Variants in LRRC8D observed in about 807,000 individuals in gnomAD.
LRRC8D encodes the protein volume-regulated anion channel subunit LRRC8D.
LRRC8D carries 20 observed loss-of-function variants against 55.8 expected under a neutral mutation model. That is an observed-to-expected ratio of 0.36 (90% CI 0.25 to 0.52). The LOEUF is 0.52. Ranked by LOEUF, LRRC8D falls within the 20% of genes least tolerant of loss-of-function variation. The pLI is 0.93. For synonymous variants in LRRC8D, 352 were observed against 377.0 expected (o/e 0.93, Z 0.77); for missense variants, 651 against 1,030.8 (o/e 0.63, Z 5.05).
chr1:89,928,139 G>A (rs909299877), intron 2 of LRRC8D, among the ~76,000 whole-genome samples: 2 of 152,116 alleles, frequency 1.3e-5, no homozygotes, highest in South Asian at 2.1e-4. Context: ...GCATGATCTC[G>A]CCGCACTGCA....
intron 1 of LRRC8D, among the ~76,000 whole-genome samples, chr1:89,842,170 G>A (rs527752202): frequency 3.5e-5 from 5 of 143,496 alleles, no homozygotes; most frequent in South Asian, 4.4e-4. Flanking sequence ...CCGAGATCAC[G>A]CCACTGCACT....
At chr1:89,896,971 G>A (rs1285562513) in intron 2 of LRRC8D, among the ~76,000 whole-genome samples, 1 of 152,206 alleles carries the variant, frequency 6.6e-6, no homozygotes, top group Admixed American at 6.5e-5. Flanking sequence ...GAAAGGTGTG[G>A]TGGTTCAGTT....
chr1:89,890,465 T>C (rs991729659), intron 2 of LRRC8D, among the ~76,000 whole-genome samples: 1 of 152,220 alleles, frequency 6.6e-6, no homozygotes, highest in Non-Finnish European at 1.5e-5. Flanking sequence ...TCAGTCTTTT[T>C]CCTGACATGG....
At chr1:89,918,100 G>T (rs1250807640) in intron 2 of LRRC8D, among the ~76,000 whole-genome samples, 1 of 152,190 alleles carries the variant, frequency 6.6e-6, no homozygotes, top group Non-Finnish European at 1.5e-5. Flanking sequence ...AGAAGACTTA[G>T]AGTTAATGCT....
rs1221964592 is a variant in LRRC8D, at chr1:89,933,077, C to G, written c.9C>G (p.Thr3=). The G allele has an allele frequency of 6.2e-7, 1 of 1,604,814 alleles. No homozygotes were observed. Among genetic ancestry groups the G allele is most frequent in the African/African-American group, 1.3e-5 (1 of 74,700 alleles). MF[T]LAEVASLNDI... ...CTTCTTGTTTTCTAGGAATGTTTAC[C>G]CTTGCGGAAGTTGCATCACTTAATG... Residue 3 remains threonine, a synonymous_variant, in exon 3 of 3, where the codon ACC becomes ACG. Transcript: ENST00000337338. The surrounding 1 kb of genome is among the most constrained non-coding windows in gnomAD (Gnocchi z 7.0).
chr1:89,903,787 T>G (rs1662922451), intron 2 of LRRC8D, among the ~76,000 whole-genome samples: 1 of 152,202 alleles, frequency 6.6e-6, no homozygotes, highest in Non-Finnish European at 1.5e-5. Flanking sequence ...AAAAGGAATC[T>G]CTTATTTTTA....
At chr1:89,880,822 C>G (rs1340393014) in intron 2 of LRRC8D, among the ~76,000 whole-genome samples, 1 of 152,010 alleles carries the variant, frequency 6.6e-6, no homozygotes. Flanking sequence ...TTTTTTCAAG[C>G]ACAACATGTT....
intron 2 of LRRC8D, among the ~76,000 whole-genome samples, chr1:89,919,823 T>G (rs1443889171): frequency 6.6e-6 from 1 of 152,214 alleles, no homozygotes; most frequent in Non-Finnish European, 1.5e-5. Context: ...TTTTAAAAAA[T>G]TATTTCCCTT....
chr1:89,821,381 T>C (rs551398982), intron 1 of LRRC8D, 90 bp downstream of exon 1: 2 of 152,122 alleles, frequency 1.3e-5, no homozygotes, highest in African/African-American at 4.8e-5. Flanking sequence ...CGCGCAACCC[T>C]GGCGCAGGCG....
At position 89,824,098 on chromosome 1, in the gene LRRC8D, A is replaced by G. The variant is rs79483439; in HGVS notation, c.-148+2807A>G. Among the ~76,000 whole-genome samples, 854 of 152,288 alleles carry G rather than the reference A, an allele frequency of 5.6e-3. 4 individuals are homozygous for G. Among genetic ancestry groups the G allele is most frequent in the African/African-American group, 0.019 (806 of 41,548 alleles). On this transcript the variant is annotated intron_variant, in intron 1 of 2. Transcript: ENST00000337338. ...TAGCGAGGTGGCAGGTGCTGCTGTC[A>G]TCTAGTGGCTAGAGGACAGGGATGA...
intron 2 of LRRC8D, among the ~76,000 whole-genome samples, chr1:89,890,048 G>T (rs866995295): frequency 6.8e-6 from 1 of 148,124 alleles, no homozygotes; most frequent in African/African-American, 2.5e-5. Context: ...TTAGTTGAGC[G>T]TGTTGGCGGG....
chr1:89,880,771 T>G (rs1055880858), intron 2 of LRRC8D, among the ~76,000 whole-genome samples: 1 of 152,208 alleles, frequency 6.6e-6, no homozygotes, highest in African/African-American at 2.4e-5. Context: ...GTCTTTGAAC[T>G]GATCTATTCA....
intron 1 of LRRC8D, among the ~76,000 whole-genome samples, chr1:89,827,986 G>A (rs1286386488): frequency 2.0e-5 from 3 of 152,174 alleles, no homozygotes; most frequent in African/African-American, 4.8e-5. Context: ...CATGCCTATT[G>A]AATCAGAATC....
At chr1:89,862,872 C>G (rs1661756163) in intron 2 of LRRC8D, among the ~76,000 whole-genome samples, 1 of 152,132 alleles carries the variant, frequency 6.6e-6, no homozygotes, top group Non-Finnish European at 1.5e-5. Context: ...CCCTTGGCTT[C>G]CAGCAGGAAG....
chr1:89,915,739 A>G (rs1039847416), intron 2 of LRRC8D, among the ~76,000 whole-genome samples: 3 of 152,210 alleles, frequency 2.0e-5, no homozygotes, highest in African/African-American at 7.2e-5. Flanking sequence ...TACAACCAAA[A>G]TAGCAGGTGC....
chr1:89,907,349 C>T (rs997505346), intron 2 of LRRC8D, among the ~76,000 whole-genome samples: 1 of 152,012 alleles, frequency 6.6e-6, no homozygotes, highest in Non-Finnish European at 1.5e-5. Flanking sequence ...GACCACCACA[C>T]CTGGCTAATT....
chr1:89,898,052 A>T (rs1662758637), intron 2 of LRRC8D, among the ~76,000 whole-genome samples: 4 of 152,202 alleles, frequency 2.6e-5, no homozygotes, highest in African/African-American at 9.7e-5. Context: ...GATGTCTCTG[A>T]TATGTGGCTG....
At chr1:89,837,240 CCTT>C (rs766326919) in intron 1 of LRRC8D, among the ~76,000 whole-genome samples, 109 of 152,308 alleles carry the variant, frequency 7.2e-4, no homozygotes, top group Non-Finnish European at 1.2e-3. Flanking sequence ...CCTTTTCTTT[CCTT>C]CTTAATATTT....
At chr1:89,907,152 C>T (rs1202764510) in intron 2 of LRRC8D, among the ~76,000 whole-genome samples, 1 of 146,190 alleles carries the variant, frequency 6.8e-6, no homozygotes, top group Non-Finnish European at 1.5e-5. Flanking sequence ...ATCTATCTTT[C>T]AGGTGTTGGG....
Sources: allele counts gnomAD v4.1 joint callset (sites outside exome capture counted in the v4.1 genomes callset), GRCh38; gene constraint gnomAD v4.1.1; non-coding constraint Gnocchi (gnomAD v3.1); transcripts MANE v1.5; gene names NCBI Gene and HGNC (gene_info 2026-07-23, HGNC 2026-07-21).